The following SHISA9 variants were observed in gnomAD, a reference collection of about 807,000 sequenced individuals.
The protein encoded by SHISA9 is protein shisa-9.
In SHISA9, 13 loss-of-function variants were observed where a neutral mutation model predicts 38.0. That is an observed-to-expected ratio of 0.34 (90% CI 0.22 to 0.54). The LOEUF (loss-of-function observed/expected upper bound fraction) is 0.54. SHISA9 is among the 20% of genes least tolerant of loss of function. The probability of loss-of-function intolerance (pLI) is 0.91; values close to 1 mark genes in which losing one functional copy is unlikely to be tolerated. For synonymous variants in SHISA9, 275 were observed against 242.0 expected (o/e 1.14, Z -1.27); for missense variants, 538 against 575.8 (o/e 0.93, Z 0.67).
chr16:13,029,437 C>A (rs2072964681), intron 2 of SHISA9, among the ~76,000 whole-genome samples: 1 of 152,152 alleles, frequency 6.6e-6, no homozygotes, highest in African/African-American at 2.4e-5. Flanking sequence ...AAAACCTCGT[C>A]TCTACAAAAA....
At chr16:13,552,330 T>A in the SHISA9 span, among the ~76,000 whole-genome samples, 1 of 151,976 alleles carries the variant, frequency 6.6e-6, no homozygotes, top group Non-Finnish European at 1.5e-5. Flanking sequence ...ACCCTTCCAT[T>A]TGTGCTTTCT....
chr16:13,051,099 T>A (rs928177700), intron 2 of SHISA9, among the ~76,000 whole-genome samples: 1 of 152,202 alleles, frequency 6.6e-6, no homozygotes, highest in African/African-American at 2.4e-5. Context: ...AGTACGTACT[T>A]GTATTAGTCT....
At chr16:13,494,507 A>G in the SHISA9 span, among the ~76,000 whole-genome samples, 1 of 152,220 alleles carries the variant, frequency 6.6e-6, no homozygotes, top group Non-Finnish European at 1.5e-5. Flanking sequence ...ATCATAAATG[A>G]AAAGGAACGT....
intron 2 of SHISA9, among the ~76,000 whole-genome samples, chr16:13,020,013 C>CCTTCCTTCCCTCCTTCCT (rs1567184383): frequency 1.9e-5 from 1 of 53,716 alleles, no homozygotes; most frequent in South Asian, 5.3e-4. Flanking sequence ...CCTTCCTTCC[C>CCTTCCTTCCCTCCTTCCT]TCCTTCCTTC....
At chr16:13,209,751 G>T (rs2051099925) in intron 3 of SHISA9, among the ~76,000 whole-genome samples, 1 of 152,168 alleles carries the variant, frequency 6.6e-6, no homozygotes, top group Non-Finnish European at 1.5e-5. Flanking sequence ...GTTACAATAT[G>T]GGAGCCTACC....
At chr16:13,300,882 CCTTT>C in the SHISA9 span, among the ~76,000 whole-genome samples, 1 of 127,148 alleles carries the variant, frequency 7.9e-6, no homozygotes, top group Non-Finnish European at 1.6e-5. Context: ...TCTCCTCTCC[CCTTT>C]CTTTGTCTCT....
chr16:13,197,778 C>A (rs1177120978), intron 2 of SHISA9: 1 of 152,166 alleles, frequency 6.6e-6, no homozygotes, highest in African/African-American at 2.4e-5. Flanking sequence ...TAAGGAGTAC[C>A]TTTCCACAGA....
intron 2 of SHISA9, among the ~76,000 whole-genome samples, chr16:13,040,953 T>G (rs2073125632): frequency 6.6e-6 from 1 of 152,174 alleles, no homozygotes; most frequent in African/African-American, 2.4e-5. Context: ...CTCACCCAAG[T>G]GACCCCCAAC....
At chr16:13,285,007 T>C in the SHISA9 span, among the ~76,000 whole-genome samples, 3 of 152,208 alleles carry the variant, frequency 2.0e-5, no homozygotes, top group African/African-American at 7.2e-5. Context: ...TTTTCACTAG[T>C]TATAACAGAA....
the SHISA9 span, among the ~76,000 whole-genome samples, chr16:13,364,809 G>C: frequency 8.1e-3 from 1,240 of 152,280 alleles, 22 homozygotes; most frequent in African/African-American, 0.029. Flanking sequence ...TAATTTCCTT[G>C]ATTAGAGCAC....
the SHISA9 span, among the ~76,000 whole-genome samples, chr16:13,495,819 C>A: frequency 6.6e-6 from 1 of 151,986 alleles, no homozygotes; most frequent in Admixed American, 6.5e-5. Flanking sequence ...TGAAACAGTA[C>A]AAAACACTTT....
the SHISA9 span, among the ~76,000 whole-genome samples, chr16:13,415,684 A>G: frequency 3.3e-5 from 5 of 152,250 alleles, no homozygotes; most frequent in Non-Finnish European, 4.4e-5. Flanking sequence ...GCTAATATCT[A>G]GAAAACAGAA....
the SHISA9 span, among the ~76,000 whole-genome samples, chr16:13,365,454 C>CTTTTTTTTT: frequency 8.9e-6 from 1 of 112,522 alleles, no homozygotes; most frequent in African/African-American, 3.5e-5. Flanking sequence ...GAGTATACCT[C>CTTTTTTTTT]TTTTTTTTTT....
chr16:13,112,644 A>G (rs1012752768), intron 2 of SHISA9, among the ~76,000 whole-genome samples: 2 of 151,996 alleles, frequency 1.3e-5, no homozygotes, highest in African/African-American at 4.8e-5. Context: ...TTTTAACAAA[A>G]CAAATTAAAG....
the SHISA9 span, among the ~76,000 whole-genome samples, chr16:13,333,555 A>T: frequency 1.3e-5 from 2 of 152,202 alleles, no homozygotes; most frequent in East Asian, 3.8e-4. Flanking sequence ...TTTTCCAACA[A>T]TCTCAGACTT....
the SHISA9 span, among the ~76,000 whole-genome samples, chr16:13,339,408 T>A: frequency 2.0e-5 from 3 of 152,180 alleles, no homozygotes; most frequent in African/African-American, 7.2e-5. Context: ...AGACTTGGAT[T>A]TGAATCAGGA....
the SHISA9 span, among the ~76,000 whole-genome samples, chr16:13,276,044 A>G: frequency 6.6e-6 from 1 of 151,950 alleles, no homozygotes; most frequent in Non-Finnish European, 1.5e-5. Context: ...TATACACTGG[A>G]CCATATTTGT....
chr16:13,188,950 A>T lies in SHISA9; in HGVS notation c.692-14444A>T, dbSNP rs182531047. On this transcript the variant is annotated intron_variant, in intron 2 of 4. Transcript: ENST00000558583. ...AATATGACTGGTCTCCTTATAACAA[A>T]GGGAAATTTGGATGCAGACACACAC... Among the ~76,000 whole-genome samples the T allele has an allele frequency of 2.1e-3, 322 of 152,224 alleles. 4 individuals carry two copies. Among genetic ancestry groups the T allele is most frequent in the East Asian group, 2.3e-3 (12 of 5,160 alleles).
At chr16:13,504,054 G>A in the SHISA9 span, among the ~76,000 whole-genome samples, 7 of 152,182 alleles carry the variant, frequency 4.6e-5, no homozygotes, top group Admixed American at 4.6e-4. Context: ...ATTTGCAGAA[G>A]CAGCCTAGTG....
Sources: allele counts gnomAD v4.1 joint callset (sites outside exome capture counted in the v4.1 genomes callset), GRCh38; gene constraint gnomAD v4.1.1; transcripts MANE v1.5; gene names NCBI Gene and HGNC (gene_info 2026-07-23, HGNC 2026-07-21).